HSD17B14: variants seen among roughly 807,000 people sequenced by gnomAD.
HSD17B14 encodes L-fucose dehydrogenase.
Under a neutral mutation model 32.2 loss-of-function variants are expected in HSD17B14, and 32 were observed. The observed-to-expected ratio is 0.99, with a 90% confidence interval of 0.75 to 1.33. HSD17B14 has a LOEUF of 1.33. HSD17B14 is among the 40% of genes most tolerant of loss of function. The probability of loss-of-function intolerance (pLI) is 0.00; values close to 1 mark genes in which losing one functional copy is unlikely to be tolerated. For missense variants in HSD17B14, 370 were observed against 366.5 expected (o/e 1.01, Z -0.08); for synonymous variants, 140 against 155.4 (o/e 0.90, Z 0.74).
chr19:48,833,695 A>G (rs983210275), intron 3 of HSD17B14, among the ~76,000 whole-genome samples: 11 of 152,240 alleles, frequency 7.2e-5, no homozygotes, highest in African/African-American at 2.2e-4. Flanking sequence ...GTGTGGTGGC[A>G]CATGCCTGAA....
At chr19:48,816,307 G>A (rs1465875551) in intron 5 of HSD17B14, among the ~76,000 whole-genome samples, 2 of 152,114 alleles carry the variant, frequency 1.3e-5, no homozygotes, top group Admixed American at 1.3e-4. Context: ...TGAGCTCCCT[G>A]CCCGGTTCCC....
At chr19:48,828,554 G>T (rs1241258563) in intron 5 of HSD17B14, among the ~76,000 whole-genome samples, 2 of 152,096 alleles carry the variant, frequency 1.3e-5, no homozygotes. Flanking sequence ...GGGGTTCGAG[G>T]CTGCTGTGAG....
chr19:48,816,519 A>T (rs2035053684), intron 5 of HSD17B14, among the ~76,000 whole-genome samples: 1 of 152,124 alleles, frequency 6.6e-6, no homozygotes, highest in African/African-American at 2.4e-5. Context: ...CCAGGACTGA[A>T]GGGTTTTTGG....
rs371095893 is a variant in HSD17B14, at chr19:48,836,294, C to T, written c.88+30G>A. ...CCCCCATCCTTCCTTTCTCACACTC[C>T]ACAGCTCCCAGCAGTCAGACCCGGC... On this transcript the variant is annotated intron_variant, in intron 1 of 8. Coordinates refer to ENST00000263278, the MANE Select transcript of HSD17B14 (RefSeq NM_016246.3). 1.1e-5 allele frequency: 17 copies of T among 1,610,328 alleles called. No homozygotes were observed. The Middle Eastern group carries it at 8.3e-4, about 78-fold the overall frequency.
chr19:48,834,522 C>G (rs113096385), intron 2 of HSD17B14, among the ~76,000 whole-genome samples, 164 bp from the exon 3 acceptor site: 1,371 of 61,212 alleles, frequency 0.022, 49 homozygotes, highest in South Asian at 0.027. Context: ...GGAAGTAGGG[C>G]CTGGGGGCCT....
intron 5 of HSD17B14, among the ~76,000 whole-genome samples, chr19:48,822,380 TTGATGG>T (rs2035172255): frequency 7.4e-6 from 1 of 135,260 alleles, no homozygotes; most frequent in East Asian, 2.4e-4. Flanking sequence ...GCTGATGTTG[TTGATGG>T]TGATGGTGAT....
At chr19:48,820,773 C>T (rs1047184895) in intron 5 of HSD17B14, among the ~76,000 whole-genome samples, 21 of 151,194 alleles carry the variant, frequency 1.4e-4, no homozygotes, top group African/African-American at 5.1e-4. Context: ...GAGGCAGAGG[C>T]GGGAGGATAG....
intron 4 of HSD17B14, 21 bp downstream of exon 4, chr19:48,832,645 C>G: frequency 6.8e-6 from 11 of 1,609,134 alleles, no homozygotes; most frequent in Non-Finnish European, 9.3e-6. Flanking sequence ...TGGAGAATGG[C>G]CCTGGGGTCT....
At chr19:48,835,981 C>A in intron 1 of HSD17B14, 138 bp from the exon 2 acceptor site, 1 of 743,104 alleles carries the variant, frequency 1.3e-6, no homozygotes, top group Admixed American at 2.5e-5. Flanking sequence ...GGACAGAGGG[C>A]AGACGCCTTG....
intron 5 of HSD17B14, among the ~76,000 whole-genome samples, chr19:48,827,828 G>A (rs1362711034): frequency 6.7e-6 from 1 of 150,096 alleles, no homozygotes; most frequent in Non-Finnish European, 1.5e-5. Flanking sequence ...GTGAGCCACC[G>A]TGACCAACCC....
chr19:48,821,293 A>G (rs896680989), intron 5 of HSD17B14, among the ~76,000 whole-genome samples: 1 of 152,150 alleles, frequency 6.6e-6, no homozygotes, highest in African/African-American at 2.4e-5. Context: ...GATTACAGGC[A>G]TGAGCCACCG....
intron 3 of HSD17B14, 26 bp downstream of exon 3, chr19:48,834,250 G>C: frequency 1.9e-6 from 3 of 1,579,920 alleles, no homozygotes; most frequent in South Asian, 1.1e-5. Flanking sequence ...AGCGGAGATG[G>C]GGGTAGGAAC....
At chr19:48,814,216 A>C (rs1372747992) in intron 6 of HSD17B14, among the ~76,000 whole-genome samples, 1 of 145,926 alleles carries the variant, frequency 6.9e-6, no homozygotes, top group East Asian at 2.1e-4. Context: ...AAGAAAAGAA[A>C]AGAAAAGAAA....
At chr19:48,820,558 C>T (rs2035129303) in intron 5 of HSD17B14, among the ~76,000 whole-genome samples, 3 of 148,486 alleles carry the variant, frequency 2.0e-5, no homozygotes, top group Non-Finnish European at 4.5e-5. Context: ...GAGATGGAGT[C>T]TCGCTCTGTC....
At chr19:48,831,797 G>C (rs778530181) in intron 4 of HSD17B14, 38 bp from the exon 5 acceptor site, 3 of 1,229,282 alleles carry the variant, frequency 2.4e-6, no homozygotes, top group South Asian at 1.2e-5. Context: ...AAAGTGACGG[G>C]GGCTGGACAC....
chr19:48,825,718 C>T (rs1397592223), intron 5 of HSD17B14, among the ~76,000 whole-genome samples: 1 of 152,162 alleles, frequency 6.6e-6, no homozygotes, highest in East Asian at 1.9e-4. Flanking sequence ...GCGTAACTTG[C>T]ATGACGTTGC....
At chr19:48,832,319 C>T (rs1020907907) in intron 4 of HSD17B14, among the ~76,000 whole-genome samples, 4 of 151,228 alleles carry the variant, frequency 2.6e-5, no homozygotes, top group Admixed American at 1.3e-4. Context: ...GCAGAGGTTG[C>T]AGTGAGCTGA....
chr19:48,816,779 T>TTTTCTTTCTTTTTCTTTC (rs2035058168), intron 5 of HSD17B14, among the ~76,000 whole-genome samples: 1 of 122,180 alleles, frequency 8.2e-6, no homozygotes, highest in African/African-American at 3.3e-5. Flanking sequence ...GCAAGACCCT[T>TTTTCTTTCTTTTTCTTTC]TTTCTTTCTT....
intron 5 of HSD17B14, 92 bp downstream of exon 5, chr19:48,831,576 A>T: frequency 3.4e-6 from 3 of 892,936 alleles, no homozygotes; most frequent in East Asian, 4.9e-5. Flanking sequence ...AATAAAAAGA[A>T]CGGAAAACAT....
Sources: gnomAD v4.1 joint callset for allele counts (sites outside exome capture counted in the v4.1 genomes callset) on GRCh38, gnomAD v4.1.1 for gene constraint, MANE v1.5 for transcripts, NCBI Gene and HGNC (gene_info 2026-07-23, HGNC 2026-07-21) for gene names.